TMEM269: variants seen among roughly 807,000 people sequenced by gnomAD.
TMEM269 encodes transmembrane protein 269.
A neutral mutation model predicts 15.8 loss-of-function variants in TMEM269; 12 were observed. That is an observed-to-expected ratio of 0.76 (90% CI 0.49 to 1.23). The LOEUF (loss-of-function observed/expected upper bound fraction) is 1.23. TMEM269 is among the 50% of genes most tolerant of loss of function. TMEM269 has a pLI of 0.00. For synonymous variants in TMEM269, 93 were observed against 99.3 expected, an observed-to-expected ratio of 0.94 and a Z score of 0.38; for missense variants, 211 against 245.4, an observed-to-expected ratio of 0.86 and a Z score of 0.94.
intron 1 of TMEM269, among the ~76,000 whole-genome samples, chr1:42,786,266 C>T (rs1201777559): frequency 6.6e-6 from 1 of 152,244 alleles, no homozygotes; most frequent in African/African-American, 2.4e-5. Flanking sequence ...AGGCCTCATA[C>T]TGGGTACAGG....
At chr1:42,794,636 C>T in intron 5 of TMEM269, 23 bp downstream of exon 5, 1 of 1,508,870 alleles carries the variant, frequency 6.6e-7, no homozygotes, top group Middle Eastern at 1.7e-4. Context: ...GTCACTATGG[C>T]CAGTTTGTTA....
chr1:42,792,920 G>T lies in TMEM269; in HGVS notation c.139+18G>T. ...CAAATTGGGTGAGTTCAGGCCCCAG[G>T]CCCCTAATCCTTGCCCCCAGTAGCA... On this transcript the variant is annotated intron_variant, in intron 3 of 5. Transcript: ENST00000637012. 1.3e-6 allele frequency: 2 copies of T among 1,539,898 alleles called. No homozygotes were observed. Among genetic ancestry groups the T allele is most frequent in the Non-Finnish European group, 1.8e-6 (2 of 1,137,738 alleles).
intron 5 of TMEM269, among the ~76,000 whole-genome samples, chr1:42,795,901 C>T (rs1653784260): frequency 6.6e-6 from 1 of 152,206 alleles, no homozygotes; most frequent in South Asian, 2.1e-4. Flanking sequence ...TTAGCACCAA[C>T]AGCCCTTTCA....
At position 42,785,011 on chromosome 1, in the gene TMEM269, C is replaced by G. The variant is rs1653511128; in HGVS notation, c.-170C>G. The G allele has an allele frequency of 6.6e-6, 1 of 152,572 alleles. No homozygotes were observed. The highest frequency in any genetic ancestry group is 2.4e-5 in the African/African-American group (1 of 41,474). 9.5% of individuals were successfully genotyped at this position (152,572 alleles called of 1,614,324 possible). On this transcript the variant is annotated 5_prime_UTR_variant, in exon 1 of 6. Transcript: ENST00000637012. ...TCGCTAGGGCTGGCCCCCTCCACCGCACAGGAAACGGGGCAGGAGGGCGGA... is the reference window on the plus strand; with the variant it reads ...TCGCTAGGGCTGGCCCCCTCCACCGGACAGGAAACGGGGCAGGAGGGCGGA...
At chr1:42,792,721 A>G (rs932068457) in intron 2 of TMEM269, 84 bp from the exon 3 acceptor site, 2 of 791,094 alleles carry the variant, frequency 2.5e-6, no homozygotes, top group African/African-American at 3.4e-5. Context: ...GTGTATACTA[A>G]TATACTAATG....
intron 4 of TMEM269, 149 bp downstream of exon 4, chr1:42,793,893 C>G (rs1653747619): frequency 1.0e-6 from 1 of 989,138 alleles, no homozygotes. Flanking sequence ...CCCATGCCCA[C>G]TGAAGGCTGC....
chr1:42,794,749 CTA>C, intron 5 of TMEM269, 136 bp downstream of exon 5: 1 of 682,094 alleles, frequency 1.5e-6, no homozygotes, highest in Non-Finnish European at 2.5e-6. Context: ...GACATATTTA[CTA>C]GTTTTCTTAT....
chr1:42,786,034 C>T (rs949413774), intron 1 of TMEM269, among the ~76,000 whole-genome samples: 11 of 152,172 alleles, frequency 7.2e-5, no homozygotes, highest in Non-Finnish European at 1.5e-4. Flanking sequence ...ATAAATAAAC[C>T]GCATTTTAAA....
At chr1:42,794,735 A>G (rs1270092101) in intron 5 of TMEM269, 122 bp downstream of exon 5, 5 of 714,806 alleles carry the variant, frequency 7.0e-6, no homozygotes, top group African/African-American at 1.8e-5. Flanking sequence ...ACTGATAATC[A>G]TCTGACATAT....
Position 42,789,342 on chromosome 1 carries a change from G to T in TMEM269, c.-98-454G>T, listed in dbSNP as rs1653637417. The T allele has an allele frequency of 5.5e-6, 6 of 1,099,512 alleles. No individual in the cohort carries two copies. The South Asian group carries it at 8.1e-5, about 15-fold the overall frequency. The allele number at this position is 1,099,512 out of a possible 1,614,324, so 68.1% of individuals were successfully genotyped here. ...CAGCTGCAGCCCTGTGCTTCAGAAG[G>T]AGTGAACTTGGACTGTGGGACAACA... is the stretch of plus-strand genomic sequence containing the variant. On this transcript the variant is annotated intron_variant, in intron 1 of 5. Transcript: ENST00000637012.
At position 42,797,175 on chromosome 1, in the gene TMEM269, T is replaced by C. The variant is rs1653803773; in HGVS notation, c.485-923T>C. ...GGTGGCGAATCTGAGATGCAAATTG[T>C]GTTGGGAGTCCCCAAGACCACCCCT... On this transcript the variant is annotated intron_variant, in intron 5 of 5. Coordinates refer to ENST00000637012, the MANE Select transcript of TMEM269 (RefSeq NM_001354602.2). The surrounding 1 kb of genome is among the most constrained non-coding windows in gnomAD (Gnocchi z 4.9). 6.6e-6 allele frequency among the ~76,000 whole-genome samples: 1 copy of C among 152,148 alleles called. No homozygotes were observed. The highest frequency in any genetic ancestry group is 1.5e-5 in the Non-Finnish European group (1 of 68,034).
Position 42,798,133 on chromosome 1 carries a change from T to C in TMEM269, c.520T>C (p.Ser174Pro). 1 of 1,551,148 alleles carries C rather than the reference T, an allele frequency of 6.4e-7. No homozygotes were observed. The change falls in exon 6 of 6, where the codon TCT becomes CCT. Residue 174 changes from serine (S) to proline (P), a missense_variant. By Grantham distance (74) the Ser-to-Pro change is moderately conservative. Transcript: ENST00000637012. The stretch of plus-strand genomic sequence containing the variant: ...GCTGTTTTTCTCCCCATTGTCTCTG[T>C]CTGCTTTTTACTGCCTGATGTGGTC... ...IMLFFSPLSLSAFYCLMWSLS... is the reference protein window; with the variant it reads ...IMLFFSPLSLPAFYCLMWSLS...
rs1653721994 is a variant in TMEM269 at position 42,792,844 on chromosome 1, C to G, written c.81C>G (p.Phe27Leu). The change falls in exon 3 of 6, where the codon TTC becomes TTG. Residue 27 changes from phenylalanine to leucine, a missense_variant. By Grantham distance (22) the Phe-to-Leu change is conservative. Transcript: ENST00000637012. ...CCTCCCGGATGCTCCTGGTCAGCTTCCTGTTAGACATGGCAGTCAGGGCAA... is the reference window on the plus strand; with the variant it reads ...CCTCCCGGATGCTCCTGGTCAGCTTGCTGTTAGACATGGCAGTCAGGGCAA... ...HYASRMLLVS[F>L]LLDMAVRAMT... The G allele has an allele frequency of 6.4e-7, 1 of 1,550,490 alleles. No individual in the cohort carries two copies. The highest frequency in any genetic ancestry group is 8.7e-7 in the Non-Finnish European group (1 of 1,147,022).
In TMEM269 at chr1:42,798,226, G is replaced by C; in HGVS notation, c.*1G>C. ...AGCCTGTCTTTCGCCACAGCACTGA[G>C]GAAGCTAAGCAGCTCTACCAGCTCC... On this transcript the variant is annotated 3_prime_UTR_variant, in exon 6 of 6. Coordinates refer to ENST00000637012, the MANE Select transcript of TMEM269 (RefSeq NM_001354602.2). 6.5e-7 allele frequency: 1 copy of C among 1,545,310 alleles called. No homozygotes were observed. The highest frequency in any genetic ancestry group is 8.7e-7 in the Non-Finnish European group (1 of 1,146,974).
At position 42,794,577 on chromosome 1, in the gene TMEM269, G is replaced by A. The variant is rs1653759729; in HGVS notation, c.448G>A (p.Glu150Lys). 4 of 1,550,892 alleles carry A rather than the reference G, an allele frequency of 2.6e-6. No individual in the cohort carries two copies. The highest frequency in any genetic ancestry group is 3.5e-6 in the Non-Finnish European group (4 of 1,147,064). The change falls in exon 5 of 6, where the codon GAG becomes AAG. Residue 150 changes from glutamate to lysine, a missense_variant. Coordinates refer to ENST00000637012, the MANE Select transcript of TMEM269 (RefSeq NM_001354602.2). ...QSYYPYDKIL[E>K]SENWKKLVYI... is the part of the protein sequence containing the mutation. The stretch of plus-strand genomic sequence containing the variant: ...CTACTATCCATATGACAAAATCCTG[G>A]AGTCTGAGAACTGGAAAAAATTGGT...
chr1:42,787,792 T>C (rs1653572704), intron 1 of TMEM269, among the ~76,000 whole-genome samples: 1 of 152,170 alleles, frequency 6.6e-6, no homozygotes, highest in African/African-American at 2.4e-5. Context: ...GCAGCAATGC[T>C]TGACAGGTGG....
At position 42,798,853 on chromosome 1, in the gene TMEM269, C is replaced by A. The variant is rs920457613; in HGVS notation, c.*628C>A. 6.7e-6 allele frequency: 1 copy of A among 148,222 alleles called. No individual in the cohort carries two copies. The highest frequency in any genetic ancestry group is 1.5e-5 in the Non-Finnish European group (1 of 67,334). 9.2% of individuals were successfully genotyped at this position (148,222 alleles called of 1,614,324 possible). On this transcript the variant is annotated 3_prime_UTR_variant, in exon 6 of 6. Coordinates refer to ENST00000637012, the MANE Select transcript of TMEM269 (RefSeq NM_001354602.2). ...CGCCCCCCGGGATTCACGCCATTCT[C>A]CTGCCTCAGCCTCCCGCGTAGCTGG...
In TMEM269 at chr1:42,800,620, C is replaced by T. The variant is rs1166434764; in HGVS notation, c.*2395C>T. Reference sequence around the variant, plus strand: ...AATCAAGTGACTGAGAATTCTGCTACTCTTTTAGCCCTGTGACCTTGAATA... The same window carrying T: ...AATCAAGTGACTGAGAATTCTGCTATTCTTTTAGCCCTGTGACCTTGAATA... On this transcript the variant is annotated 3_prime_UTR_variant, in exon 6 of 6. Coordinates refer to ENST00000637012, the MANE Select transcript of TMEM269 (RefSeq NM_001354602.2). The T allele has an allele frequency of 1.3e-5, 2 of 152,180 alleles. No homozygotes were observed. The highest frequency in any genetic ancestry group is 2.9e-5 in the Non-Finnish European group (2 of 68,036). 9.4% of individuals were successfully genotyped at this position (152,180 alleles called of 1,614,324 possible).
chr1:42,796,475 C>T (rs1653792476), intron 5 of TMEM269: 2 of 152,152 alleles, frequency 1.3e-5, no homozygotes. Context: ...CCTTCTACCC[C>T]ACAGAGCTTC....
Sources: gnomAD v4.1 joint callset for allele counts (sites outside exome capture counted in the v4.1 genomes callset) on GRCh38, gnomAD v4.1.1 for gene constraint, Gnocchi (gnomAD v3.1) non-coding constraint, MANE v1.5 for transcripts, NCBI Gene and HGNC (gene_info 2026-07-23, HGNC 2026-07-21) for gene names.